The following KALRN variants were observed in gnomAD, a reference collection of about 807,000 sequenced individuals.
The protein encoded by KALRN is kalirin.
A neutral mutation model predicts 353.7 loss-of-function variants in KALRN; 70 were observed. The ratio of observed to expected loss-of-function variants is 0.20; its 90% CI spans 0.16 to 0.24. The LOEUF (loss-of-function observed/expected upper bound fraction) is 0.24. KALRN is among the 10% of genes least tolerant of loss of function. KALRN has a pLI of 1.00. For synonymous variants in KALRN, 1,391 were observed against 1,434.8 expected (o/e 0.97, Z 0.69); for missense variants, 2,791 against 3,756.7 (o/e 0.74, Z 6.72).
chr3:124,348,858 C>A (rs1047491636), intron 10 of KALRN, among the ~76,000 whole-genome samples: 4 of 140,334 alleles, frequency 2.9e-5, no homozygotes, highest in Non-Finnish European at 4.9e-5. Context: ...GCTGGGATTA[C>A]AGGCACCTGC....
chr3:124,328,439 T>C (rs1212188212), intron 7 of KALRN, among the ~76,000 whole-genome samples: 1 of 152,220 alleles, frequency 6.6e-6, no homozygotes, highest in East Asian at 1.9e-4. Flanking sequence ...CCTGTTAGAA[T>C]ATTGCAGAGA....
chr3:124,695,265 GACTGTGT>G (rs1031390893), intron 53 of KALRN, among the ~76,000 whole-genome samples: 1 of 152,208 alleles, frequency 6.6e-6, no homozygotes, highest in African/African-American at 2.4e-5. Context: ...CTATGAATTG[GACTGTGT>G]ACTGTTGCTT....
intron 34 of KALRN, among the ~76,000 whole-genome samples, chr3:124,595,499 A>G (rs1488552736): frequency 2.0e-5 from 3 of 152,066 alleles, no homozygotes; most frequent in African/African-American, 7.2e-5. Flanking sequence ...TGTAAATGTG[A>G]TTTGTTCTGA....
intron 28 of KALRN, among the ~76,000 whole-genome samples, chr3:124,486,251 C>T (rs1037805779): frequency 3.3e-5 from 5 of 152,086 alleles, no homozygotes; most frequent in Non-Finnish European, 5.9e-5. Context: ...TTGTTTTGGG[C>T]AGGGGGGGAT....
At chr3:124,637,997 C>CTGTT (rs2081562506) in intron 37 of KALRN, among the ~76,000 whole-genome samples, 2 of 152,200 alleles carry the variant, frequency 1.3e-5, no homozygotes, top group South Asian at 2.1e-4. Flanking sequence ...TAGGATGGAG[C>CTGTT]TGTTCCTCCA....
rs369592050 is a variant in KALRN, at chr3:124,600,839, G to A, written c.5183-31581G>A. Reference sequence around the variant, plus strand: ...GTGTTTTTCCAAAATGCCCCAGCTCGAAGTAAAGAGGAAAACCAGATTACA... The same window carrying A: ...GTGTTTTTCCAAAATGCCCCAGCTCAAAGTAAAGAGGAAAACCAGATTACA... On this transcript the variant is annotated intron_variant, in intron 34 of 59. Coordinates refer to ENST00000682506, the MANE Select transcript of KALRN (RefSeq NM_001388419.1). 2.2e-4 allele frequency among the ~76,000 whole-genome samples: 33 copies of A among 152,274 alleles called. 1 individual carries two copies. The East Asian group carries it at 3.5e-3, about 16-fold the overall frequency.
At chr3:124,098,057 G>A (rs1442088407) in intron 1 of KALRN, among the ~76,000 whole-genome samples, 2 of 152,148 alleles carry the variant, frequency 1.3e-5, no homozygotes, top group African/African-American at 4.8e-5. Flanking sequence ...TGTATTCATG[G>A]GGACCTGACA....
At chr3:124,419,603 C>A (rs1314782343) in intron 14 of KALRN, among the ~76,000 whole-genome samples, 1 of 152,018 alleles carries the variant, frequency 6.6e-6, no homozygotes, top group Admixed American at 6.6e-5. Context: ...TGTGCTAGGG[C>A]CTGAAGAGGC....
intron 57 of KALRN, among the ~76,000 whole-genome samples, chr3:124,707,061 G>C (rs1163743811): frequency 6.6e-6 from 1 of 152,082 alleles, no homozygotes; most frequent in Non-Finnish European, 1.5e-5. Context: ...GACTTGGGCT[G>C]GGTGTGGTGG....
chr3:124,581,123 A>G (rs1436863797), intron 34 of KALRN, among the ~76,000 whole-genome samples: 3 of 152,154 alleles, frequency 2.0e-5, no homozygotes, highest in African/African-American at 4.8e-5. Flanking sequence ...GACCTTGCCA[A>G]CTTAAGATAG....
intron 1 of KALRN, among the ~76,000 whole-genome samples, chr3:124,038,411 G>A (rs1202474073): frequency 1.3e-5 from 2 of 152,116 alleles, no homozygotes; most frequent in African/African-American, 4.8e-5. Flanking sequence ...TCCAGAAAAG[G>A]AATTTTTGTT....
chr3:124,370,810 T>A, intron 10 of KALRN, among the ~76,000 whole-genome samples: 1 of 152,342 alleles, frequency 6.6e-6, no homozygotes, highest in East Asian at 1.9e-4. Context: ...CAGTCAGAAT[T>A]GTGTAAGCTG....
intron 1 of KALRN, among the ~76,000 whole-genome samples, chr3:124,072,318 T>C (rs1461056642): frequency 6.6e-6 from 1 of 152,256 alleles, no homozygotes; most frequent in East Asian, 1.9e-4. Flanking sequence ...TCTGTGTCTC[T>C]GTTCCTCTGT....
At chr3:124,642,178 G>A (rs557849748) in intron 37 of KALRN, among the ~76,000 whole-genome samples, 106 of 152,262 alleles carry the variant, frequency 7.0e-4, no homozygotes, top group Non-Finnish European at 1.4e-3. Context: ...CAGCTACTCC[G>A]GAGGCTGAGG....
At chr3:124,081,594 G>A (rs2149319861) in intron 1 of KALRN, among the ~76,000 whole-genome samples, 1 of 152,198 alleles carries the variant, frequency 6.6e-6, no homozygotes, top group African/African-American at 2.4e-5. Flanking sequence ...AACATAGGGA[G>A]ATGTTGTTTC....
chr3:124,701,764 T>C (rs1369465089), intron 56 of KALRN, among the ~76,000 whole-genome samples: 4 of 152,234 alleles, frequency 2.6e-5, no homozygotes, highest in Non-Finnish European at 5.9e-5. Context: ...TAAATTTATC[T>C]TATAAAATAT....
At chr3:124,463,021 A>G (rs1034659075) in intron 25 of KALRN, among the ~76,000 whole-genome samples, 9 of 152,200 alleles carry the variant, frequency 5.9e-5, no homozygotes, top group Admixed American at 3.3e-4. Context: ...GAAGTTTTCT[A>G]TCAACCTAAA....
At chr3:124,402,826 T>A (rs2091042004) in intron 13 of KALRN, among the ~76,000 whole-genome samples, 1 of 152,210 alleles carries the variant, frequency 6.6e-6, no homozygotes. Flanking sequence ...TTTCCAATTA[T>A]TTTTTGCCTG....
chr3:124,298,249 T>G (rs1449939567), intron 5 of KALRN, among the ~76,000 whole-genome samples: 1 of 152,202 alleles, frequency 6.6e-6, no homozygotes, highest in Admixed American at 6.5e-5. Flanking sequence ...ACCCTCATCT[T>G]CTGCTTCCCA....
Sources: allele counts gnomAD v4.1 joint callset (sites outside exome capture counted in the v4.1 genomes callset), GRCh38; gene constraint gnomAD v4.1.1; transcripts MANE v1.5; gene names NCBI Gene and HGNC (gene_info 2026-07-23, HGNC 2026-07-21).